The following SIAE variants were observed in gnomAD, a reference collection of about 807,000 sequenced individuals.
The protein encoded by SIAE is sialic acid acetylesterase.
A neutral mutation model predicts 52.6 loss-of-function variants in SIAE; 39 were observed. The ratio of observed to expected loss-of-function variants is 0.74; its 90% CI spans 0.57 to 0.97. The LOEUF (loss-of-function observed/expected upper bound fraction) is 0.97, where lower values mean the gene tolerates loss of function less well. Among genes scored for constraint, SIAE ranks in the 50% least tolerant of loss-of-function variants. The pLI, the probability that SIAE is intolerant of heterozygous loss-of-function variation, is 0.00. For synonymous variants in SIAE, 233 were observed against 241.4 expected (o/e 0.97, Z 0.32); for missense variants, 592 against 662.1 (o/e 0.89, Z 1.16).
chr11:124,673,974 C>T, upstream of SIAE: 1 of 544,260 alleles, frequency 1.8e-6, no homozygotes. Flanking sequence ...TCCCCACTTC[C>T]TCTCCGATAC....
upstream of SIAE, chr11:124,673,864 TAG>T: frequency 1.5e-6 from 1 of 684,304 alleles, no homozygotes. Flanking sequence ...TCGGCCGCCG[TAG>T]TTTTTTTTTT....
At chr11:124,639,054 T>C (rs1012223096) in intron 8 of SIAE, among the ~76,000 whole-genome samples, 2 of 152,258 alleles carry the variant, frequency 1.3e-5, no homozygotes, top group East Asian at 3.9e-4. Context: ...ACTCATAAGA[T>C]TGTTCCTAAC....
In SIAE at chr11:124,639,823, G is replaced by A; in HGVS notation, c.1011C>T (p.Pro337=). The change falls in exon 8 of 10, where the codon CCC becomes CCT. Residue 337 remains proline (P), a synonymous_variant. Coordinates refer to ENST00000263593, the MANE Select transcript of SIAE (RefSeq NM_170601.5). ...CTGCTGTTTGATGCCAACGGATCTG[G>A]GGAAATCCATCGTCTGAGCTCTTCT... The part of the protein sequence containing the change: ...LSKKSSDDGF[P]QIRWHQTADF... 1.2e-6 allele frequency: 2 copies of A among 1,614,192 alleles called. No individual in the cohort carries two copies.
chr11:124,658,486 T>C (rs920734277), intron 3 of SIAE, among the ~76,000 whole-genome samples: 6 of 152,186 alleles, frequency 3.9e-5, no homozygotes, highest in Non-Finnish European at 2.9e-5. Context: ...TCTGAGATAT[T>C]GAAAAATGGG....
rs1317533614 is a variant in SIAE, at chr11:124,636,143, T to G, written c.*808A>C. The G allele has an allele frequency of 6.6e-6, 1 of 152,230 alleles. No individual in the cohort carries two copies. Among genetic ancestry groups the G allele is most frequent in the Non-Finnish European group, 1.5e-5 (1 of 68,054 alleles). The allele number at this position is 152,230 out of a possible 1,614,324, so 9.4% of individuals were successfully genotyped here. ...CGCCTCCTGTTCCTGGCAGCCCAAG[T>G]GCCTTCGCTGGGCTACTCCCACCTG... On this transcript the variant is annotated 3_prime_UTR_variant, in exon 10 of 10. Transcript: ENST00000263593.
intron 2 of SIAE, among the ~76,000 whole-genome samples, chr11:124,663,037 C>T (rs1420179705): frequency 2.6e-5 from 4 of 151,820 alleles, no homozygotes; most frequent in African/African-American, 4.8e-5. Context: ...CCCAGCTACT[C>T]GGAGGCTGAG....
At chr11:124,638,838 G>C in intron 8 of SIAE, 101 bp from the exon 9 acceptor site, 3 of 926,150 alleles carry the variant, frequency 3.2e-6, no homozygotes, top group South Asian at 1.5e-5. Flanking sequence ...ATGAAAGTAA[G>C]AATAAAGTTG....
intron 5 of SIAE, among the ~76,000 whole-genome samples, chr11:124,648,465 C>G (rs1275825559): frequency 2.1e-5 from 3 of 145,466 alleles, no homozygotes; most frequent in African/African-American, 8.5e-5. Flanking sequence ...GAGTTTCTCA[C>G]ATTGTGGGGG....
In SIAE at chr11:124,670,682, G is replaced by A. The variant is rs923807146; in HGVS notation, c.68-1161C>T. Reference sequence around the variant, plus strand: ...ACAGGGCAGCACAGCTAATGGAGTCGCCTACACAGCTCCGTGGCCTATTTA... The same window carrying A: ...ACAGGGCAGCACAGCTAATGGAGTCACCTACACAGCTCCGTGGCCTATTTA... On this transcript the variant is annotated intron_variant, in intron 1 of 9. Coordinates refer to ENST00000263593, the MANE Select transcript of SIAE (RefSeq NM_170601.5). The surrounding 1 kb of genome is among the most constrained non-coding windows in gnomAD (Gnocchi z 4.5). Among the ~76,000 whole-genome samples the A allele has an allele frequency of 6.6e-6, 1 of 152,100 alleles. No individual in the cohort carries two copies. Among genetic ancestry groups the A allele is most frequent in the East Asian group, 1.9e-4 (1 of 5,182 alleles).
chr11:124,660,311 A>C (rs943413821), intron 3 of SIAE: 2 of 340,026 alleles, frequency 5.9e-6, no homozygotes, highest in Non-Finnish European at 1.1e-5. Context: ...AAAAAAAAAA[A>C]GCAAGAAAAT....
chr11:124,675,424 C>T (rs749225623), upstream of SIAE: 1 of 1,600,806 alleles, frequency 6.2e-7, no homozygotes, highest in African/African-American at 1.4e-5. Flanking sequence ...AGAGAGTAAG[C>T]TTTCTAAAAT....
intron 7 of SIAE, among the ~76,000 whole-genome samples, chr11:124,646,304 A>AT (rs1942933394): frequency 6.6e-6 from 1 of 152,206 alleles, no homozygotes; most frequent in African/African-American, 2.4e-5. Flanking sequence ...AGTGCCAATC[A>AT]ACTACATACG....
chr11:124,671,753 T>G (rs570336457), intron 1 of SIAE, among the ~76,000 whole-genome samples: 3 of 151,992 alleles, frequency 2.0e-5, no homozygotes, highest in African/African-American at 7.2e-5. Context: ...ACATTTACCA[T>G]TTGATTTCTT....
intron 7 of SIAE, among the ~76,000 whole-genome samples, chr11:124,642,106 T>C (rs1402086747): frequency 2.7e-5 from 4 of 150,932 alleles, no homozygotes; most frequent in Admixed American, 2.0e-4. Context: ...TGAGAAATAA[T>C]AAAAACTGAC....
At chr11:124,655,878 C>T (rs1373706630) in intron 3 of SIAE, among the ~76,000 whole-genome samples, 2 of 152,122 alleles carry the variant, frequency 1.3e-5, no homozygotes, top group Non-Finnish European at 2.9e-5. Context: ...TGTTAAGCAA[C>T]CCTAATCTGA....
intron 5 of SIAE, among the ~76,000 whole-genome samples, 192 bp from the exon 6 acceptor site, chr11:124,648,367 C>G (rs1286112993): frequency 6.6e-6 from 1 of 151,960 alleles, no homozygotes; most frequent in East Asian, 1.9e-4. Context: ...AGGTTATTCC[C>G]AAAATAAGTG....
upstream of SIAE, chr11:124,674,301 G>A (rs1287005892): frequency 6.6e-6 from 1 of 152,346 alleles, no homozygotes; most frequent in Non-Finnish European, 1.5e-5. Flanking sequence ...TGCTCGGGAG[G>A]CTGAGGCGGG....
rs146387036 is a variant in SIAE at position 124,649,724 on chromosome 11, G to A, written c.617C>T (p.Thr206Ile). 280 of 1,614,092 alleles carry A rather than the reference G, an allele frequency of 1.7e-4. No individual in the cohort carries two copies. The highest frequency in any genetic ancestry group is 2.3e-4 in the Non-Finnish European group (268 of 1,180,048). The change falls in exon 5 of 10, where the codon ACT becomes ATT. Residue 206 changes from threonine to isoleucine, a missense_variant. By Grantham distance (89) the Thr-to-Ile change is moderately conservative. Transcript: ENST00000263593. Reference protein sequence around the residue: ...CWLFGRHLYDTLQYPIGLIAS... With the variant: ...CWLFGRHLYDILQYPIGLIAS... ...GATCAGCCCGATGGGATACTGCAGAGTGTCATAAAGGTGACGTCCAAAGAG... is the reference window on the plus strand; with the variant it reads ...GATCAGCCCGATGGGATACTGCAGAATGTCATAAAGGTGACGTCCAAAGAG...
chr11:124,634,726 A>C lies in SIAE; in HGVS notation c.*2225T>G, dbSNP rs561992720. ...CCACAAACTGAAACACTCTAAATCT[A>C]TATTCTATTATTTACATAAGAAAAT... On this transcript the variant is annotated 3_prime_UTR_variant, in exon 10 of 10. Transcript: ENST00000263593. 2 of 152,334 alleles carry C rather than the reference A, an allele frequency of 1.3e-5. No homozygotes were observed. The highest frequency in any genetic ancestry group is 3.9e-4 in the East Asian group (2 of 5,190). 9.4% of individuals were successfully genotyped at this position (152,334 alleles called of 1,614,324 possible). A position where few individuals can be genotyped will look rare whatever the true frequency, so the allele number is the denominator to read the frequency against.
Sources: gnomAD v4.1 joint callset for allele counts (sites outside exome capture counted in the v4.1 genomes callset) on GRCh38, gnomAD v4.1.1 for gene constraint, Gnocchi (gnomAD v3.1) non-coding constraint, MANE v1.5 for transcripts, NCBI Gene and HGNC (gene_info 2026-07-23, HGNC 2026-07-21) for gene names.